Variants in A2ML1 observed in about 807,000 individuals in gnomAD.
A2ML1 encodes alpha-2-macroglobulin like 1.
A neutral mutation model predicts 181.9 loss-of-function variants in A2ML1; 161 were observed. The ratio of observed to expected loss-of-function variants is 0.89; its 90% CI spans 0.78 to 1.01. A2ML1 has a LOEUF of 1.01. Among genes scored for constraint, A2ML1 ranks in the 50% least tolerant of loss-of-function variants. A2ML1 has a pLI of 0.00. For missense variants in A2ML1, 1,670 were observed against 1,768.1 expected (o/e 0.94, Z 1.00); for synonymous variants, 663 against 666.8 (o/e 0.99, Z 0.09).
At chr12:8,874,919 T>C in intron 34 of A2ML1, 52 bp from the exon 35 acceptor site, 1 of 1,590,558 alleles carries the variant, frequency 6.3e-7, no homozygotes, top group Non-Finnish European at 8.6e-7. Flanking sequence ...GCATTTTCCC[T>C]CTGAATATAG....
At chr12:8,827,396 T>C (rs1486701736) in intron 3 of A2ML1, among the ~76,000 whole-genome samples, 1 of 152,214 alleles carries the variant, frequency 6.6e-6, no homozygotes, top group African/African-American at 2.4e-5. Flanking sequence ...TATTTTCACT[T>C]TGAATAAACT....
intron 7 of A2ML1, among the ~76,000 whole-genome samples, chr12:8,883,522 G>A (rs1021978982): frequency 8.6e-5 from 13 of 152,026 alleles, no homozygotes; most frequent in Non-Finnish European, 1.3e-4. Context: ...TTGTTGCCCA[G>A]GCTGGAGTGC....
intron 7 of A2ML1, among the ~76,000 whole-genome samples, chr12:8,884,527 GT>G (rs1944903138): frequency 6.6e-6 from 1 of 151,828 alleles, no homozygotes; most frequent in Non-Finnish European, 1.5e-5. Flanking sequence ...GTGGGAATTG[GT>G]TTTCTTTTTC....
rs189324656 is a variant in A2ML1 at position 8,833,636 on chromosome 12, T to C, written c.463-1026T>C. 3.0e-3 allele frequency among the ~76,000 whole-genome samples: 452 copies of C among 152,192 alleles called. 6 individuals are homozygous for C. The highest frequency in any genetic ancestry group is 0.01 in the African/African-American group (431 of 41,524). On this transcript the variant is annotated intron_variant, in intron 4 of 35. Transcript: ENST00000299698. ...GTCTTGAACTCCTAACCTCAGGTGA[T>C]CCAACCGCCACAGCCTCCCAAAGTG... is the stretch of plus-strand genomic sequence containing the variant.
At chr12:8,857,047 A>C (rs745410782) in intron 23 of A2ML1, 117 bp from the exon 24 acceptor site, 8 of 1,053,938 alleles carry the variant, frequency 7.6e-6, no homozygotes, top group Non-Finnish European at 1.1e-5. Flanking sequence ...CGCCCGGCCC[A>C]TAGTAGGTAC....
At chr12:8,844,298 C>T (rs1489539903) in intron 12 of A2ML1, among the ~76,000 whole-genome samples, 3 of 146,826 alleles carry the variant, frequency 2.0e-5, no homozygotes, top group Non-Finnish European at 3.0e-5. Flanking sequence ...GACAGGGTTT[C>T]GCCATGTTGG....
intron 28 of A2ML1, among the ~76,000 whole-genome samples, chr12:8,862,476 C>A (rs576214230): frequency 5.5e-4 from 84 of 152,294 alleles, no homozygotes; most frequent in Non-Finnish European, 1.0e-3. Flanking sequence ...TGCTGAATTA[C>A]AAGCGTGAGC....
chr12:8,857,961 C>T lies in A2ML1; in HGVS notation c.3123C>T (p.Val1041=). 1 of 1,614,112 alleles carries T rather than the reference C, an allele frequency of 6.2e-7. No individual in the cohort carries two copies. Among genetic ancestry groups the T allele is most frequent in the Non-Finnish European group, 8.5e-7 (1 of 1,180,012 alleles). ...ACCCATGTAGGCTGACAGCGTTTGT[C>T]ACAAAATGCTTTGGCCAAGCTCAGA... The part of the protein sequence containing the change: ...GNGNTWLTAF[V]TKCFGQAQKF... Residue 1041 remains valine (V), a synonymous_variant, in exon 26 of 36, where the codon GTC becomes GTT. Transcript: ENST00000299698.
Position 8,823,350 on chromosome 12 carries a change from T to C in A2ML1, c.231T>C (p.His77=), listed in dbSNP as rs781346154. Residue 77 remains histidine, a synonymous_variant, in exon 2 of 36, where the codon CAT becomes CAC. Coordinates refer to ENST00000299698, the MANE Select transcript of A2ML1 (RefSeq NM_144670.6). ...EYSGLKKRHL[H]CISFLVPPPA... ...CTGGACTGAAGAAGAGGCACTTACA[T>C]TGTATCTCCTTTCTTGTAAGCACAG... 6.2e-7 allele frequency: 1 copy of C among 1,613,666 alleles called. No individual in the cohort carries two copies. The highest frequency in any genetic ancestry group is 1.7e-5 in the Admixed American group (1 of 59,962).
At chr12:8,853,173 G>T (rs1331778146) in intron 20 of A2ML1, among the ~76,000 whole-genome samples, 2 of 151,712 alleles carry the variant, frequency 1.3e-5, no homozygotes, top group Admixed American at 6.6e-5. Context: ...AATTCAGTTG[G>T]CAGAGAAGCG....
chr12:8,836,291 A>G lies in A2ML1; in HGVS notation c.680A>G (p.Lys227Arg), dbSNP rs750612606. The change falls in exon 7 of 36, where the codon AAG (lysine) becomes AGG (arginine). Residue 227 changes from lysine to arginine, a missense_variant. Lys to Arg is a conservative substitution (Grantham distance 26). Transcript: ENST00000299698. ...PKFKVEVVEP[K>R]ELSTVQESFL... The stretch of plus-strand genomic sequence containing the variant: ...TTTAAGGTGGAAGTGGTGGAACCCA[A>G]GGAGTTATCAACGGTGCAGGAATCT... The G allele has an allele frequency of 9.9e-6, 16 of 1,614,084 alleles. No homozygotes were observed. In the South Asian group the frequency reaches 1.1e-4, roughly 11 times the overall value.
intron 20 of A2ML1, 65 bp from the exon 21 acceptor site, chr12:8,854,063 T>C: frequency 6.9e-7 from 1 of 1,452,776 alleles, no homozygotes; most frequent in Non-Finnish European, 9.1e-7. Flanking sequence ...CTGATCCAAA[T>C]GGGAATGGAC....
chr12:8,832,362 G>A (rs1340603929), intron 4 of A2ML1, among the ~76,000 whole-genome samples: 1 of 152,186 alleles, frequency 6.6e-6, no homozygotes, highest in Non-Finnish European at 1.5e-5. Flanking sequence ...CCCCTAAAGT[G>A]TAATTTCTAA....
chr12:8,836,814 T>C (rs1347949325), intron 7 of A2ML1, among the ~76,000 whole-genome samples: 3 of 152,038 alleles, frequency 2.0e-5, no homozygotes, highest in Non-Finnish European at 2.9e-5. Context: ...GTTTCTGCTG[T>C]TTTTTTCCAT....
At position 8,850,270 on chromosome 12, in the gene A2ML1, A is replaced by G. The variant is rs758589559; in HGVS notation, c.2230A>G (p.Ile744Val). 3.1e-6 allele frequency: 5 copies of G among 1,609,566 alleles called. No individual in the cohort carries two copies. Among genetic ancestry groups the G allele is most frequent in the Admixed American group, 3.4e-5 (2 of 59,164 alleles). Reference protein sequence around the residue: ...PETWLWDLFPIGNSGKEAVHV... With the variant: ...PETWLWDLFPVGNSGKEAVHV... The stretch of plus-strand genomic sequence containing the variant: ...GACCTGGCTCTGGGATCTGTTTCCT[A>G]TTGGGTAAGTGATGACTCAAAAGTA... The change falls in exon 18 of 36, where the codon ATT becomes GTT. Residue 744 changes from isoleucine to valine, a missense_variant. Coordinates refer to ENST00000299698, the MANE Select transcript of A2ML1 (RefSeq NM_144670.6).
At chr12:8,863,357 C>T (rs773051371) in intron 28 of A2ML1, among the ~76,000 whole-genome samples, 27 of 152,198 alleles carry the variant, frequency 1.8e-4, no homozygotes, top group Admixed American at 1.0e-3. Context: ...CCACCCGCCT[C>T]GGCCTCCCAA....
In A2ML1 at chr12:8,847,569, C is replaced by CT; in HGVS notation, c.1705dup (p.Ser569PhefsTer28). The stretch of plus-strand genomic sequence containing the variant: ...CCCAGGTTTCCCTTGGCTTCTCCCC[C>CT]TCCCAGCAGCTTCCAGGAGCAGAAG... On this transcript the variant is annotated frameshift_variant, in exon 15 of 36. Transcript: ENST00000299698. LOFTEE classifies it high-confidence loss of function. 6.2e-7 allele frequency: 1 copy of CT among 1,612,114 alleles called. No homozygotes were observed. Among genetic ancestry groups the CT allele is most frequent in the Non-Finnish European group, 8.5e-7 (1 of 1,179,194 alleles).
intron 24 of A2ML1, 42 bp downstream of exon 24, chr12:8,857,382 C>G: frequency 6.2e-7 from 1 of 1,601,404 alleles, no homozygotes; most frequent in South Asian, 1.1e-5. Flanking sequence ...CTCTCCTCCA[C>G]TAGGCCCTAT....
rs1942786095 is a variant in A2ML1, at chr12:8,822,791, T to C, written c.62+78T>C. 3 of 1,363,098 alleles carry C rather than the reference T, an allele frequency of 2.2e-6. No homozygotes were observed. The African/African-American group carries it at 4.3e-5, about 20-fold the overall frequency. 84.4% of individuals were successfully genotyped at this position (1,363,098 alleles called of 1,614,324 possible). A position where few individuals can be genotyped will look rare whatever the true frequency, so the allele number is the denominator to read the frequency against. On this transcript the variant is annotated intron_variant, in intron 1 of 35. Transcript: ENST00000299698. ...ACTTTCTCAAACATTTATATGGAGA[T>C]GGGGAGATCAACTTTGGTTTATCTT... is the stretch of plus-strand genomic sequence containing the variant.
Sources: allele counts gnomAD v4.1 joint callset (sites outside exome capture counted in the v4.1 genomes callset), GRCh38; gene constraint gnomAD v4.1.1; transcripts MANE v1.5; gene names NCBI Gene and HGNC (gene_info 2026-07-23, HGNC 2026-07-21).